ADAMTSL3: variants seen among roughly 807,000 people sequenced by gnomAD.
ADAMTSL3 encodes ADAMTS-like protein 3.
Under a neutral mutation model 201.7 loss-of-function variants are expected in ADAMTSL3, and 128 were observed. The observed-to-expected ratio is 0.63, with a 90% CI of 0.55 to 0.73. The LOEUF (loss-of-function observed/expected upper bound fraction) is 0.73. Among genes scored for constraint, ADAMTSL3 ranks in the 30% least tolerant of loss-of-function variants. The pLI is 0.00. For synonymous variants in ADAMTSL3, 738 were observed against 748.4 expected (o/e 0.99, Z 0.23); for missense variants, 1,990 against 2,119.6 (o/e 0.94, Z 1.20).
chr15:83,695,261 TG>T (rs1289830022), intron 2 of ADAMTSL3, among the ~76,000 whole-genome samples: 1 of 88,250 alleles, frequency 1.1e-5, no homozygotes. Flanking sequence ...TGTGTGTGTG[TG>T]GTGGTGGGGT....
intron 3 of ADAMTSL3, among the ~76,000 whole-genome samples, chr15:83,740,962 TA>T (rs2062444878): frequency 3.9e-5 from 6 of 152,078 alleles, no homozygotes; most frequent in Admixed American, 3.9e-4. Context: ...GTTTATTCCT[TA>T]GAAAGACACC....
chr15:84,014,810 T>G, intron 24 of ADAMTSL3, 86 bp downstream of exon 24: 1 of 1,309,000 alleles, frequency 7.6e-7, no homozygotes. Context: ...TGGAGTTGAG[T>G]GAACGAGATG....
At chr15:83,827,227 A>C (rs1194269798) in intron 6 of ADAMTSL3, among the ~76,000 whole-genome samples, 2 of 152,028 alleles carry the variant, frequency 1.3e-5, no homozygotes, top group South Asian at 2.1e-4. Context: ...ATGGTATCTC[A>C]TTGTGGTTTT....
chr15:83,977,158 C>G lies in ADAMTSL3; in HGVS notation c.2645-5115C>G, dbSNP rs114991800. ...GGAACACAAACCCTATTGTGAACTG[C>G]GCATGCGAGGGATCTAGGTTGCAGC... On this transcript the variant is annotated intron_variant, in intron 20 of 29. Coordinates refer to ENST00000286744, the MANE Select transcript of ADAMTSL3 (RefSeq NM_207517.3). Among the ~76,000 whole-genome samples the G allele has an allele frequency of 9.7e-4, 147 of 152,212 alleles. 1 individual carries two copies. Among genetic ancestry groups the G allele is most frequent in the Admixed American group, 4.3e-3 (65 of 15,284 alleles).
intron 2 of ADAMTSL3, among the ~76,000 whole-genome samples, chr15:83,669,526 GGC>G (rs2061298027): frequency 7.9e-6 from 1 of 125,898 alleles, no homozygotes; most frequent in African/African-American, 3.1e-5. Context: ...GGAGTGCTGT[GGC>G]GTGATCTCGG....
chr15:83,693,085 T>A (rs1233284560), intron 2 of ADAMTSL3, among the ~76,000 whole-genome samples: 1 of 152,178 alleles, frequency 6.6e-6, no homozygotes, highest in South Asian at 2.1e-4. Flanking sequence ...TCTTCTTTTT[T>A]ATTTTTTTTG....
chr15:83,948,408 A>G (rs926080907), intron 19 of ADAMTSL3, among the ~76,000 whole-genome samples: 1 of 115,142 alleles, frequency 8.7e-6, no homozygotes, highest in African/African-American at 3.7e-5. Context: ...ACAAAAGCTT[A>G]TTTACACACA....
At chr15:83,793,545 C>T (rs2063376991) in intron 4 of ADAMTSL3, among the ~76,000 whole-genome samples, 1 of 152,056 alleles carries the variant, frequency 6.6e-6, no homozygotes. Context: ...GGTGCGATCT[C>T]TGCTCACTGC....
intron 4 of ADAMTSL3, among the ~76,000 whole-genome samples, chr15:83,787,900 T>C (rs2063289731): frequency 6.6e-6 from 1 of 151,204 alleles, no homozygotes; most frequent in Non-Finnish European, 1.5e-5. Context: ...TTTATATAAC[T>C]TTGACTGGGC....
Position 83,913,110 on chromosome 15 carries a change from G to A in ADAMTSL3, c.1719G>A (p.Trp573Ter). The A allele has an allele frequency of 1.9e-6, 3 of 1,613,996 alleles. No homozygotes were observed. Among genetic ancestry groups the A allele is most frequent in the Non-Finnish European group, 2.5e-6 (3 of 1,180,002 alleles). The change falls in exon 16 of 30, where the codon TGG becomes TGA. Residue 573 changes from tryptophan (W) to a stop codon, truncating the protein, a stop_gained. Coordinates refer to ENST00000286744, the MANE Select transcript of ADAMTSL3 (RefSeq NM_207517.3). LOFTEE classifies it high-confidence loss of function. ...TCCCTAGGTTCATTCCAGAACCCTG[G>A]TCAGCCTGCAGTACCACGTGTGGGC... ...TEEPTFIPEPWSACSTTCGPG... is the reference protein window; with the variant it reads ...TEEPTFIPEP
intron 16 of ADAMTSL3, among the ~76,000 whole-genome samples, chr15:83,917,051 G>A (rs1477190591): frequency 6.6e-6 from 1 of 152,146 alleles, no homozygotes; most frequent in Admixed American, 6.6e-5. Context: ...ATGAATGTGG[G>A]CTTTTAGCCT....
intron 15 of ADAMTSL3, among the ~76,000 whole-genome samples, chr15:83,911,269 C>T (rs886939310): frequency 6.6e-6 from 1 of 152,122 alleles, no homozygotes; most frequent in Non-Finnish European, 1.5e-5. Flanking sequence ...TCATGTACTA[C>T]GATCTCTTTT....
chr15:83,847,495 C>CTT lies in ADAMTSL3; in HGVS notation c.727+9296_727+9297dup, dbSNP rs34900690. Among the ~76,000 whole-genome samples, 317 of 137,900 alleles carry CTT rather than the reference C, an allele frequency of 2.3e-3. 1 individual carries two copies. Among genetic ancestry groups the CTT allele is most frequent in the East Asian group, 4.7e-3 (22 of 4,712 alleles). The allele number at this position is 137,900 out of a possible 152,430, so 90.5% of individuals were successfully genotyped here. A position where few individuals can be genotyped will look rare whatever the true frequency, so the allele number is the denominator to read the frequency against. On this transcript the variant is annotated intron_variant, in intron 7 of 29. Coordinates refer to ENST00000286744, the MANE Select transcript of ADAMTSL3 (RefSeq NM_207517.3). ...TTCTGTACAATACCATGCCAGGTAACTTTTTTTTTTTTTTTTTGAGATGGA... is the reference window on the plus strand; with the variant it reads ...TTCTGTACAATACCATGCCAGGTAACTTTTTTTTTTTTTTTTTTTGAGATGGA...
At chr15:83,757,979 T>C (rs2062747991) in intron 3 of ADAMTSL3, among the ~76,000 whole-genome samples, 1 of 152,210 alleles carries the variant, frequency 6.6e-6, no homozygotes, top group Admixed American at 6.5e-5. Context: ...GATTTCATTG[T>C]CCATATCATT....
chr15:83,746,994 G>A (rs1469579575), intron 3 of ADAMTSL3, among the ~76,000 whole-genome samples: 1 of 152,172 alleles, frequency 6.6e-6, no homozygotes, highest in Non-Finnish European at 1.5e-5. Context: ...TTTTCTATGG[G>A]GAGTGCGAAT....
intron 3 of ADAMTSL3, among the ~76,000 whole-genome samples, chr15:83,733,739 C>T (rs2062322174): frequency 6.6e-6 from 1 of 152,146 alleles, no homozygotes; most frequent in Admixed American, 6.6e-5. Context: ...TAAAAATCTC[C>T]TCTAGTTTGT....
At chr15:83,745,008 G>A (rs896830191) in intron 3 of ADAMTSL3, among the ~76,000 whole-genome samples, 5 of 152,188 alleles carry the variant, frequency 3.3e-5, no homozygotes, top group Non-Finnish European at 5.9e-5. Context: ...TCGAATGTTT[G>A]CCTTTTCCAA....
intron 3 of ADAMTSL3, among the ~76,000 whole-genome samples, chr15:83,728,574 A>G (rs1350849314): frequency 6.6e-6 from 1 of 151,990 alleles, no homozygotes; most frequent in African/African-American, 2.4e-5. Context: ...ATTATTTTAA[A>G]CTGATGACAA....
intron 24 of ADAMTSL3, 85 bp downstream of exon 24, chr15:84,014,809 G>A: frequency 7.4e-7 from 1 of 1,345,270 alleles, no homozygotes; most frequent in Non-Finnish European, 1.0e-6. Flanking sequence ...TTGGAGTTGA[G>A]TGAACGAGAT....
Sources: allele counts gnomAD v4.1 joint callset (sites outside exome capture counted in the v4.1 genomes callset), GRCh38; gene constraint gnomAD v4.1.1; transcripts MANE v1.5; gene names NCBI Gene and HGNC (gene_info 2026-07-23, HGNC 2026-07-21).